Variants in RSF1 observed in about 807,000 individuals in gnomAD.
RSF1 encodes remodeling and spacing factor 1.
A neutral mutation model predicts 145.2 loss-of-function variants in RSF1; 13 were observed. That is an observed-to-expected ratio of 0.09 (90% CI 0.06 to 0.14). RSF1 has a LOEUF of 0.14. Ranked by LOEUF, RSF1 falls within the 10% of genes least tolerant of loss-of-function variation. RSF1 has a pLI of 1.00. For synonymous variants in RSF1, 577 were observed against 592.6 expected, an observed-to-expected ratio of 0.97 and a Z score of 0.38; for missense variants, 1,517 against 1,718.2, an observed-to-expected ratio of 0.88 and a Z score of 2.07.
intron 1 of RSF1, among the ~76,000 whole-genome samples, chr11:77,808,527 C>CTTT (rs745630976): frequency 0.24 from 14,591 of 59,910 alleles, 4,409 homozygotes; most frequent in East Asian, 0.39. Context: ...AATATTATAC[C>CTTT]TTTTTTTTTT....
At position 77,729,192 on chromosome 11, in the gene RSF1, G is replaced by A. The variant is rs1422497211; in HGVS notation, c.579-3493C>T. The stretch of plus-strand genomic sequence containing the variant: ...CATTAATAACCAAACACTAACACTT[G>A]GTTATTATATTTACATCTCTGCTTA... On this transcript the variant is annotated intron_variant, in intron 4 of 15. Transcript: ENST00000308488. Among the ~76,000 whole-genome samples, 47 of 152,064 alleles carry A rather than the reference G, an allele frequency of 3.1e-4. 1 individual carries two copies. The highest frequency in any genetic ancestry group is 3.0e-3 in the Admixed American group (46 of 15,262).
At chr11:77,793,353 C>T (rs1342683561) in intron 1 of RSF1, among the ~76,000 whole-genome samples, 1 of 152,080 alleles carries the variant, frequency 6.6e-6, no homozygotes, top group Non-Finnish European at 1.5e-5. Flanking sequence ...GGCGTGGTGG[C>T]CTGCACCTGT....
At chr11:77,840,388 G>C in the RSF1 span, among the ~76,000 whole-genome samples, 1 of 152,010 alleles carries the variant, frequency 6.6e-6, no homozygotes, top group Non-Finnish European at 1.5e-5. Context: ...AATTAGCCGG[G>C]CATGGTAGCA....
chr11:77,824,223 C>T (rs1180066812), upstream of RSF1, among the ~76,000 whole-genome samples: 7 of 152,112 alleles, frequency 4.6e-5, no homozygotes, highest in African/African-American at 7.2e-5. Flanking sequence ...CAGAGCTTAA[C>T]GACAATTTAT....
At chr11:77,776,388 T>C (rs1948342674) in intron 1 of RSF1, among the ~76,000 whole-genome samples, 2 of 152,200 alleles carry the variant, frequency 1.3e-5, no homozygotes. Context: ...TTGTGAAATT[T>C]ATATTTTGTC....
At chr11:77,841,683 A>G in the RSF1 span, among the ~76,000 whole-genome samples, 1 of 152,174 alleles carries the variant, frequency 6.6e-6, no homozygotes, top group East Asian at 1.9e-4. Flanking sequence ...TCTTTGATGC[A>G]TATCCTTGCA....
intron 7 of RSF1, among the ~76,000 whole-genome samples, chr11:77,696,076 G>A (rs892522573): frequency 4.6e-5 from 7 of 152,002 alleles, no homozygotes; most frequent in Non-Finnish European, 1.0e-4. Flanking sequence ...TTATACTTCC[G>A]GTATACAGTT....
At chr11:77,677,331 A>C (rs1297909140) in intron 12 of RSF1, among the ~76,000 whole-genome samples, 1 of 152,294 alleles carries the variant, frequency 6.6e-6, no homozygotes, top group African/African-American at 2.4e-5. Context: ...ACCACTACCT[A>C]ACTCCAGAAC....
chr11:77,800,544 TG>T (rs1948616450), intron 1 of RSF1, among the ~76,000 whole-genome samples: 1 of 152,108 alleles, frequency 6.6e-6, no homozygotes, highest in African/African-American at 2.4e-5. Context: ...CAGTACCAGA[TG>T]GCTTCACTAA....
chr11:77,707,816 G>GA (rs1391165275), intron 5 of RSF1, among the ~76,000 whole-genome samples: 1 of 152,144 alleles, frequency 6.6e-6, no homozygotes, highest in Non-Finnish European at 1.5e-5. Context: ...CAAAGACAGT[G>GA]AAACTATCAT....
intron 6 of RSF1, among the ~76,000 whole-genome samples, chr11:77,698,973 G>A (rs1439785938): frequency 6.6e-6 from 1 of 151,898 alleles, no homozygotes; most frequent in East Asian, 1.9e-4. Context: ...TACTATAAAT[G>A]CCATTACATA....
intron 2 of RSF1, among the ~76,000 whole-genome samples, chr11:77,759,119 C>A (rs1487481978): frequency 6.6e-6 from 1 of 152,038 alleles, no homozygotes; most frequent in African/African-American, 2.4e-5. Flanking sequence ...GTGAATTTTT[C>A]TATATGATAT....
intron 3 of RSF1, among the ~76,000 whole-genome samples, chr11:77,742,715 T>C (rs924859045): frequency 6.6e-5 from 10 of 152,226 alleles, no homozygotes; most frequent in African/African-American, 1.2e-4. Context: ...ATTAGTGATA[T>C]TGAGCATTTA....
At chr11:77,730,460 T>C (rs954862006) in intron 4 of RSF1, among the ~76,000 whole-genome samples, 1 of 152,042 alleles carries the variant, frequency 6.6e-6, no homozygotes, top group Non-Finnish European at 1.5e-5. Context: ...GCATACATTG[T>C]GTAATCTACA....
At chr11:77,682,162 G>T (rs928955462) in intron 11 of RSF1, among the ~76,000 whole-genome samples, 1 of 152,108 alleles carries the variant, frequency 6.6e-6, no homozygotes, top group Non-Finnish European at 1.5e-5. Flanking sequence ...TTTTTTTAAA[G>T]ACTAGGATGG....
chr11:77,778,682 T>C (rs1275169688), intron 1 of RSF1, among the ~76,000 whole-genome samples: 1 of 152,186 alleles, frequency 6.6e-6, no homozygotes, highest in Admixed American at 6.5e-5. Context: ...AGTCTCACTA[T>C]GTTGCCCAGG....
chr11:77,741,955 G>C (rs1031677831), intron 3 of RSF1, among the ~76,000 whole-genome samples: 1 of 152,226 alleles, frequency 6.6e-6, no homozygotes, highest in South Asian at 2.1e-4. Context: ...CTTTCAGTGC[G>C]TTGCTTATTT....
At chr11:77,772,262 T>C (rs1159883021) in intron 1 of RSF1, among the ~76,000 whole-genome samples, 1 of 152,068 alleles carries the variant, frequency 6.6e-6, no homozygotes, top group East Asian at 1.9e-4. Context: ...CTCGATCTCC[T>C]GGACTCAACT....
At chr11:77,754,631 G>A (rs1281304035) in intron 2 of RSF1, among the ~76,000 whole-genome samples, 1 of 151,716 alleles carries the variant, frequency 6.6e-6, no homozygotes, top group Non-Finnish European at 1.5e-5. Flanking sequence ...CTAAGGTTGT[G>A]GGGTGGGGGT....
Sources: gnomAD v4.1 joint callset for allele counts (sites outside exome capture counted in the v4.1 genomes callset) on GRCh38, gnomAD v4.1.1 for gene constraint, MANE v1.5 for transcripts, NCBI Gene and HGNC (gene_info 2026-07-23, HGNC 2026-07-21) for gene names.